Variants in SYT9 observed in about 807,000 individuals in gnomAD.
SYT9 encodes synaptotagmin 9, also known as synaptotagmin-9.
Under a neutral mutation model 48.4 loss-of-function variants are expected in SYT9, and 22 were observed. The ratio of observed to expected loss-of-function variants is 0.45; its 90% CI spans 0.32 to 0.65. The LOEUF (loss-of-function observed/expected upper bound fraction) is 0.65, where lower values mean the gene tolerates loss of function less well. SYT9 is among the 30% of genes least tolerant of loss of function. SYT9 has a pLI of 0.03. For synonymous variants in SYT9, 265 were observed against 245.0 expected (o/e 1.08, Z -0.76); for missense variants, 577 against 622.0 (o/e 0.93, Z 0.77).
In SYT9 at chr11:7,251,919, GCA is replaced by G. The variant is rs1278576414; in HGVS notation, c.-266_-265del. 3 of 379,294 alleles carry G rather than the reference GCA, an allele frequency of 7.9e-6. No individual in the cohort carries two copies. Among genetic ancestry groups the G allele is most frequent in the Non-Finnish European group, 1.4e-5 (3 of 212,862 alleles). The allele number at this position is 379,294 out of a possible 1,614,324, so 23.5% of individuals were successfully genotyped here. On this transcript the variant is annotated 5_prime_UTR_variant, in exon 1 of 7. Coordinates refer to ENST00000318881, the MANE Select transcript of SYT9 (RefSeq NM_175733.4). ...GCAGAGAGGCGCTCTGGGCTGTGCGGCACCGCCTCTCCTCGGTGTCTGGGGAG... is the reference window on the plus strand; with the variant it reads ...GCAGAGAGGCGCTCTGGGCTGTGCGGCCGCCTCTCCTCGGTGTCTGGGGAG...
At chr11:7,443,923 T>C (rs1232657286) in intron 6 of SYT9, among the ~76,000 whole-genome samples, 2 of 152,222 alleles carry the variant, frequency 1.3e-5, no homozygotes, top group Non-Finnish European at 2.9e-5. Context: ...ATTCATTTGA[T>C]CAGTGGAAGC....
chr11:7,275,814 C>A (rs115833072), intron 1 of SYT9, among the ~76,000 whole-genome samples: 1 of 152,154 alleles, frequency 6.6e-6, no homozygotes, highest in Non-Finnish European at 1.5e-5. Context: ...TCACAGGCCC[C>A]GCGTGGCTCA....
At chr11:7,256,193 G>A (rs1035262288) in intron 1 of SYT9, among the ~76,000 whole-genome samples, 3 of 152,098 alleles carry the variant, frequency 2.0e-5, no homozygotes, top group African/African-American at 4.8e-5. Flanking sequence ...TTCTTTTTAA[G>A]TCTTTTCTTC....
intron 3 of SYT9, among the ~76,000 whole-genome samples, chr11:7,316,907 A>G (rs1301284010): frequency 6.6e-6 from 1 of 152,164 alleles, no homozygotes; most frequent in African/African-American, 2.4e-5. Flanking sequence ...TTGGTCATTC[A>G]TGTTTTCTTT....
At chr11:7,250,913 A>G (rs566451083), upstream of SYT9, among the ~76,000 whole-genome samples, 46 of 152,304 alleles carry the variant, frequency 3.0e-4, no homozygotes, top group Middle Eastern at 3.4e-3. Flanking sequence ...AAGAAGGAAA[A>G]AAGAAAAAAG....
At chr11:7,249,116 T>G (rs1847829004), upstream of SYT9, among the ~76,000 whole-genome samples, 2 of 152,200 alleles carry the variant, frequency 1.3e-5, no homozygotes, top group Non-Finnish European at 2.9e-5. Context: ...TCATTTACTC[T>G]TAATTAAGTC....
intron 1 of SYT9, among the ~76,000 whole-genome samples, chr11:7,245,734 C>T (rs1400688823): frequency 1.3e-5 from 2 of 152,170 alleles, no homozygotes; most frequent in African/African-American, 4.8e-5. Flanking sequence ...CAAAAGGGGG[C>T]CAAACTCACC....
chr11:7,341,765 A>G (rs976197062), intron 3 of SYT9, among the ~76,000 whole-genome samples: 2 of 151,688 alleles, frequency 1.3e-5, no homozygotes, highest in African/African-American at 4.8e-5. Context: ...TACTGATATG[A>G]CTCACATCTC....
chr11:7,397,453 G>C (rs955779840), intron 3 of SYT9, among the ~76,000 whole-genome samples: 1 of 152,072 alleles, frequency 6.6e-6, no homozygotes, highest in Non-Finnish European at 1.5e-5. Context: ...TAATCCAGTA[G>C]TGTTAAGTCT....
intron 3 of SYT9, among the ~76,000 whole-genome samples, chr11:7,367,169 C>A (rs1344866852): frequency 6.8e-6 from 1 of 147,538 alleles, no homozygotes; most frequent in African/African-American, 2.5e-5. Context: ...GCAAGCTCCG[C>A]CTCCCGGGTT....
chr11:7,330,449 G>A (rs1849507509), intron 3 of SYT9, among the ~76,000 whole-genome samples: 1 of 152,024 alleles, frequency 6.6e-6, no homozygotes, highest in Non-Finnish European at 1.5e-5. Flanking sequence ...GGGAGGAGGT[G>A]AAACTGCAAA....
chr11:7,394,537 A>C (rs926750077), intron 3 of SYT9, among the ~76,000 whole-genome samples: 1 of 152,170 alleles, frequency 6.6e-6, no homozygotes, highest in African/African-American at 2.4e-5. Context: ...GAATAGCCAC[A>C]CTGACTTGAT....
chr11:7,396,112 T>A (rs577759215), intron 3 of SYT9, among the ~76,000 whole-genome samples: 4 of 152,238 alleles, frequency 2.6e-5, no homozygotes, highest in Admixed American at 2.6e-4. Flanking sequence ...ATAATAAAAT[T>A]AACCAATTTT....
At chr11:7,369,715 A>G (rs1441036121) in intron 3 of SYT9, among the ~76,000 whole-genome samples, 1 of 140,924 alleles carries the variant, frequency 7.1e-6, no homozygotes, top group Non-Finnish European at 1.6e-5. Context: ...TCTCCGGATA[A>G]TGGGTTTTTT....
At position 7,252,270 on chromosome 11, in the gene SYT9, C is replaced by T. The variant is rs964555192; in HGVS notation, c.84C>T (p.Asp28=). 3 of 1,511,392 alleles carry T rather than the reference C, an allele frequency of 2.0e-6. No individual in the cohort carries two copies. Among genetic ancestry groups the T allele is most frequent in the Admixed American group, 2.2e-5 (1 of 45,950 alleles). The allele number at this position is 1,511,392 out of a possible 1,614,324, so 93.6% of individuals were successfully genotyped here. Residue 28 remains aspartate (D), a synonymous_variant, in exon 1 of 7, where the codon GAC becomes GAT. Transcript: ENST00000318881. This position sits in a 1 kb window ranked among gnomAD's most constrained non-coding sequence, Gnocchi z 6.3. ...ELCARGALEH[D]SCQDFIYHLR... The stretch of plus-strand genomic sequence containing the variant: ...GTGCCCGTGGGGCCCTGGAGCACGA[C>T]AGCTGCCAGGATTTCATTTACCACC...
At chr11:7,272,914 G>T (rs1340517926) in intron 1 of SYT9, among the ~76,000 whole-genome samples, 1 of 152,194 alleles carries the variant, frequency 6.6e-6, no homozygotes, top group Non-Finnish European at 1.5e-5. Flanking sequence ...CCCTCAATGA[G>T]TTAGGATTGG....
At chr11:7,268,378 A>T (rs912883319) in intron 1 of SYT9, among the ~76,000 whole-genome samples, 2 of 152,006 alleles carry the variant, frequency 1.3e-5, no homozygotes, top group Non-Finnish European at 2.9e-5. Context: ...TAGAAAAAAT[A>T]TGGAAGGCAT....
chr11:7,243,372 G>T (rs1847758801), intron 1 of SYT9, among the ~76,000 whole-genome samples: 1 of 152,202 alleles, frequency 6.6e-6, no homozygotes, highest in Non-Finnish European at 1.5e-5. Context: ...CCTGAAGCCT[G>T]GTTCTTTGCA....
intron 3 of SYT9, among the ~76,000 whole-genome samples, chr11:7,412,113 T>A (rs1228194286): frequency 6.6e-6 from 1 of 152,248 alleles, no homozygotes; most frequent in Non-Finnish European, 1.5e-5. Flanking sequence ...TGTATTGTTT[T>A]TCAAAATTAT....
Sources: gnomAD v4.1 joint callset for allele counts (sites outside exome capture counted in the v4.1 genomes callset) on GRCh38, gnomAD v4.1.1 for gene constraint, Gnocchi (gnomAD v3.1) non-coding constraint, MANE v1.5 for transcripts, NCBI Gene and HGNC (gene_info 2026-07-23, HGNC 2026-07-21) for gene names.